The following ATL2 variants were observed in gnomAD, a reference collection of about 807,000 sequenced individuals.
ATL2 encodes the protein atlastin-2.
ATL2 carries 31 observed loss-of-function variants against 73.9 expected under a neutral mutation model. The ratio of observed to expected loss-of-function variants is 0.42; its 90% CI spans 0.32 to 0.57. ATL2 has a LOEUF of 0.57. Among genes scored for constraint, ATL2 ranks in the 20% least tolerant of loss-of-function variants. ATL2 has a pLI of 0.14. For missense variants in ATL2, 738 were observed against 702.6 expected (o/e 1.05, Z -0.57); for synonymous variants, 291 against 237.5 (o/e 1.23, Z -2.07).
intron 2 of ATL2, among the ~76,000 whole-genome samples, chr2:38,322,934 C>A (rs1349728193): frequency 6.6e-6 from 1 of 152,146 alleles, no homozygotes; most frequent in Non-Finnish European, 1.5e-5. Flanking sequence ...TAATCAGATT[C>A]TTTAAAACGT....
chr2:38,319,976 C>CA (rs1199950134), intron 2 of ATL2, among the ~76,000 whole-genome samples: 4 of 152,032 alleles, frequency 2.6e-5, no homozygotes, highest in Non-Finnish European at 5.9e-5. Context: ...GGTGTTGTGG[C>CA]ATATGCCTAT....
chr2:38,360,128 C>CAAAA (rs755582696), intron 1 of ATL2, among the ~76,000 whole-genome samples: 2 of 81,952 alleles, frequency 2.4e-5, no homozygotes, highest in Admixed American at 1.5e-4. Flanking sequence ...GGCTCCATTT[C>CAAAA]AAAAAAAAAA....
chr2:38,320,130 A>G (rs190673445), intron 2 of ATL2, among the ~76,000 whole-genome samples: 497 of 152,298 alleles, frequency 3.3e-3, no homozygotes, highest in Non-Finnish European at 5.8e-3. Flanking sequence ...AAAAAAATCA[A>G]TTTAAAAAAT....
At chr2:38,348,419 T>C (rs1222241114) in intron 1 of ATL2, among the ~76,000 whole-genome samples, 9 of 151,736 alleles carry the variant, frequency 5.9e-5, no homozygotes, top group Admixed American at 2.6e-4. Flanking sequence ...TGAGCCAAGA[T>C]TGCGCCATTG....
upstream of ATL2, among the ~76,000 whole-genome samples, chr2:38,378,524 A>G (rs1573619222): frequency 1.3e-5 from 2 of 152,252 alleles, no homozygotes; most frequent in African/African-American, 4.8e-5. Flanking sequence ...GGCGTGAGCC[A>G]CTGCGCCCGG....
At chr2:38,299,381 A>T in intron 10 of ATL2, 54 bp from the exon 11 acceptor site, 1 of 1,478,904 alleles carries the variant, frequency 6.8e-7, no homozygotes, top group Non-Finnish European at 9.0e-7. Flanking sequence ...GACTCTAAAA[A>T]TTCTGATTAA....
chr2:38,339,024 T>C (rs890051711), intron 2 of ATL2, among the ~76,000 whole-genome samples: 8 of 152,088 alleles, frequency 5.3e-5, no homozygotes, highest in Non-Finnish European at 1.0e-4. Context: ...GAGACCAGCC[T>C]AGCCAACATG....
At chr2:38,333,787 C>G (rs1336191864) in intron 2 of ATL2, among the ~76,000 whole-genome samples, 1 of 152,186 alleles carries the variant, frequency 6.6e-6, no homozygotes, top group Non-Finnish European at 1.5e-5. Flanking sequence ...AAGAAAGTCT[C>G]TCCTAAAATG....
At chr2:38,349,690 A>C (rs1670231602) in intron 1 of ATL2, among the ~76,000 whole-genome samples, 1 of 145,690 alleles carries the variant, frequency 6.9e-6, no homozygotes, top group Admixed American at 6.6e-5. Flanking sequence ...AATAAATAAA[A>C]TAGGAAAAAA....
chr2:38,298,003 G>T lies in ATL2; in HGVS notation c.1632+141C>A. ...AAAGAAAAAATCTTCAATTCATAAAGATTCTACATCTGAACAAAACAGAAG... is the reference window on the plus strand; with the variant it reads ...AAAGAAAAAATCTTCAATTCATAAATATTCTACATCTGAACAAAACAGAAG... On this transcript the variant is annotated intron_variant, in intron 12 of 12. Coordinates refer to ENST00000378954, the MANE Select transcript of ATL2 (RefSeq NM_001135673.4). 5.1e-6 allele frequency: 4 copies of T among 784,762 alleles called. No individual in the cohort carries two copies. The South Asian group carries it at 8.2e-5, about 16-fold the overall frequency. 48.6% of individuals were successfully genotyped at this position (784,762 alleles called of 1,614,324 possible). A position where few individuals can be genotyped will look rare whatever the true frequency, so the allele number is the denominator to read the frequency against.
At chr2:38,337,461 T>C in intron 2 of ATL2, among the ~76,000 whole-genome samples, 1 of 101,756 alleles carries the variant, frequency 9.8e-6, no homozygotes, top group African/African-American at 4.0e-5. Context: ...ACTCCAACCT[T>C]GGCGACAGAA....
At chr2:38,358,691 GAA>G (rs113043668) in intron 1 of ATL2, 35 of 145,734 alleles carry the variant, frequency 2.4e-4, no homozygotes, top group South Asian at 1.7e-3. Context: ...GACTCCGTCT[GAA>G]AAAAAAAAAA....
intron 4 of ATL2, among the ~76,000 whole-genome samples, chr2:38,316,505 G>C (rs2148432154): frequency 6.6e-6 from 1 of 152,108 alleles, no homozygotes; most frequent in South Asian, 2.1e-4. Flanking sequence ...TAAATGACAA[G>C]AAGATCAAAT....
At chr2:38,347,930 C>A (rs1437837509) in intron 1 of ATL2, among the ~76,000 whole-genome samples, 1 of 151,754 alleles carries the variant, frequency 6.6e-6, no homozygotes, top group African/African-American at 2.4e-5. Flanking sequence ...CCTCGCCAAG[C>A]TAATTTTTGT....
intron 1 of ATL2, chr2:38,358,509 G>GCTAAAACGGT (rs1216388808): frequency 3.8e-6 from 1 of 264,730 alleles, no homozygotes; most frequent in Non-Finnish European, 8.1e-6. Context: ...GAGACCACAG[G>GCTAAAACGGT]GAAACCCCGT....
In ATL2 at chr2:38,298,108, G is replaced by A. The variant is rs9678942; in HGVS notation, c.1632+36C>T. 3,569 of 1,539,266 alleles carry A rather than the reference G, an allele frequency of 2.3e-3. 73 individuals are homozygous for A. The African/African-American group carries it at 0.045, about 19-fold the overall frequency. ...AGGATGGAAAGTCACAGGAAAATAA[G>A]ATTAGTCACTAAAAAACCAAAAGAT... On this transcript the variant is annotated intron_variant, in intron 12 of 12. Coordinates refer to ENST00000378954, the MANE Select transcript of ATL2 (RefSeq NM_001135673.4).
At position 38,294,449 on chromosome 2, in the gene ATL2, G is replaced by A. The variant is rs1020715349; in HGVS notation, c.*1545C>T. Among the ~76,000 whole-genome samples the A allele has an allele frequency of 8.5e-5, 13 of 152,200 alleles. No homozygotes were observed. The highest frequency in any genetic ancestry group is 3.1e-4 in the African/African-American group (13 of 41,446). On this transcript the variant is annotated 3_prime_UTR_variant, in exon 13 of 13. Transcript: ENST00000378954. ...TGTAGTCCCAGCTACTCAGGAGGCT[G>A]AGGCGGGAGAATCACTTGAACCCAG...
intron 9 of ATL2, among the ~76,000 whole-genome samples, chr2:38,301,626 C>G (rs1394882597): frequency 6.6e-6 from 1 of 152,208 alleles, no homozygotes; most frequent in South Asian, 2.1e-4. Flanking sequence ...CAGCGCTGCC[C>G]TGCCACAGTG....
At chr2:38,310,527 G>A in intron 7 of ATL2, 80 bp from the exon 8 acceptor site, 2 of 1,158,878 alleles carry the variant, frequency 1.7e-6, no homozygotes, top group Non-Finnish European at 1.2e-6. Flanking sequence ...AGACTCGCAT[G>A]CACACTATGC....
Sources: gnomAD v4.1 joint callset for allele counts (sites outside exome capture counted in the v4.1 genomes callset) on GRCh38, gnomAD v4.1.1 for gene constraint, MANE v1.5 for transcripts, NCBI Gene and HGNC (gene_info 2026-07-23, HGNC 2026-07-21) for gene names.